The following KANSL3 variants were observed in gnomAD, a reference collection of about 807,000 sequenced individuals.
KANSL3 encodes NSL complex protein NSL3.
A neutral mutation model predicts 89.2 loss-of-function variants in KANSL3; 16 were observed. The ratio of observed to expected loss-of-function variants is 0.18; its 90% confidence interval spans 0.12 to 0.27. The LOEUF (loss-of-function observed/expected upper bound fraction) is 0.27. Ranked by LOEUF, KANSL3 falls within the 10% of genes least tolerant of loss-of-function variation. The pLI is 1.00. For missense variants in KANSL3, 879 were observed against 1,110.6 expected (o/e 0.79, Z 2.96); for synonymous variants, 385 against 419.7 (o/e 0.92, Z 1.01).
chr2:96,638,132 G>T (rs1451887050), intron 1 of KANSL3, 151 bp downstream of exon 1: 1 of 34,896 alleles, frequency 2.9e-5, no homozygotes, highest in Non-Finnish European at 5.9e-5. Context: ...GGCCCGACCC[G>T]CCCCGCCCGA....
the KANSL3 span, among the ~76,000 whole-genome samples, chr2:96,580,916 G>A: frequency 6.6e-6 from 1 of 152,194 alleles, no homozygotes; most frequent in African/African-American, 2.4e-5. Context: ...GCAGTAGCAA[G>A]AACTCAGAAC....
At chr2:96,601,942 G>A (rs929740311) in intron 19 of KANSL3, 166 bp from the exon 20 acceptor site, 3 of 1,237,166 alleles carry the variant, frequency 2.4e-6, no homozygotes, top group Non-Finnish European at 3.3e-6. Flanking sequence ...ACAGGAAACA[G>A]CCTGTGTTCT....
rs760138844 is a variant in KANSL3 at position 96,608,903 on chromosome 2, G to A, written c.1545C>T (p.Ser515=). The change falls in exon 13 of 21, where the codon TCC becomes TCT. Residue 515 remains serine (S), a synonymous_variant. Coordinates refer to ENST00000431828, the MANE Select transcript of KANSL3 (RefSeq NM_001115016.3). Reference sequence around the variant, plus strand: ...GTGAGGCGGGCAGCTTGGCAGCTGGGGAGGCAGGTCGACTGCCCCGCTCAG... The same window carrying A: ...GTGAGGCGGGCAGCTTGGCAGCTGGAGAGGCAGGTCGACTGCCCCGCTCAG... ...EVPERGSRPA[S]PAAKLPASPS... 4.4e-6 allele frequency: 7 copies of A among 1,577,046 alleles called. No homozygotes were observed. In the South Asian group the frequency reaches 5.8e-5, roughly 13 times the overall value.
chr2:96,632,722 C>T (rs1023591142), intron 2 of KANSL3, among the ~76,000 whole-genome samples: 1 of 152,018 alleles, frequency 6.6e-6, no homozygotes, highest in Non-Finnish European at 1.5e-5. Context: ...AAGCCACACA[C>T]GACTACTTAA....
downstream of KANSL3, among the ~76,000 whole-genome samples, chr2:96,592,742 G>A (rs978979032): frequency 1.5e-4 from 23 of 152,162 alleles, no homozygotes; most frequent in African/African-American, 4.8e-4. Flanking sequence ...GGTGGCTCAC[G>A]CCTGTAATCC....
chr2:96,634,034 T>C (rs960125401), intron 2 of KANSL3: 1 of 152,238 alleles, frequency 6.6e-6, no homozygotes, highest in Non-Finnish European at 1.5e-5. Flanking sequence ...TTTAAATTCA[T>C]ACAAACTTTC....
Position 96,633,213 on chromosome 2 carries a change from G to A in KANSL3, c.216-1731C>T, listed in dbSNP as rs535705122. Among the ~76,000 whole-genome samples, 157 of 151,166 alleles carry A rather than the reference G, an allele frequency of 1.0e-3. 2 individuals are homozygous for A. Among genetic ancestry groups the A allele is most frequent in the African/African-American group, 3.6e-3 (146 of 41,106 alleles). ...GCGGACGTTGCAGTGAGCCAAAATTGCACCACTGTACTTCAGTCTGGGTGA... is the reference window on the plus strand; with the variant it reads ...GCGGACGTTGCAGTGAGCCAAAATTACACCACTGTACTTCAGTCTGGGTGA... On this transcript the variant is annotated intron_variant, in intron 2 of 20. Transcript: ENST00000431828.
At chr2:96,616,357 G>C (rs1403774630) in intron 5 of KANSL3, among the ~76,000 whole-genome samples, 1 of 152,154 alleles carries the variant, frequency 6.6e-6, no homozygotes, top group Non-Finnish European at 1.5e-5. Flanking sequence ...GTCAACAAGG[G>C]ATAAAAAATC....
rs769421349 is a variant in KANSL3, at chr2:96,619,529, C to T, written c.493G>A (p.Val165Met). 5.0e-5 allele frequency: 81 copies of T among 1,613,720 alleles called. No individual in the cohort carries two copies. The highest frequency in any genetic ancestry group is 6.9e-5 in the Non-Finnish European group (81 of 1,179,724). ...TTGTCCACAGCAACACGGCGCAGCA[C>T]TGGCTCATTACAAGCCTGAAGGATG... is the stretch of plus-strand genomic sequence containing the variant. ...LANEGACNEP[V>M]LRRVAVDKCA... Residue 165 changes from valine (V) to methionine (M), a missense_variant, in exon 5 of 21, where the codon GTG becomes ATG. By Grantham distance (21) the Val-to-Met change is conservative (BLOSUM62 1). Transcript: ENST00000431828.
chr2:96,605,629 C>T, intron 14 of KANSL3, 118 bp from the exon 15 acceptor site: 1 of 827,986 alleles, frequency 1.2e-6, no homozygotes, highest in Non-Finnish European at 2.0e-6. Context: ...GATAACCACT[C>T]TACGTACAGG....
intron 2 of KANSL3, among the ~76,000 whole-genome samples, chr2:96,632,965 CAAAA>C (rs1051564122): frequency 5.8e-5 from 3 of 51,622 alleles, no homozygotes; most frequent in Admixed American, 2.2e-4. Flanking sequence ...GACTCCATCT[CAAAA>C]AAAAAAAAAA....
intron 2 of KANSL3, among the ~76,000 whole-genome samples, chr2:96,636,211 T>C (rs1323572162): frequency 6.6e-6 from 1 of 152,202 alleles, no homozygotes; most frequent in African/African-American, 2.4e-5. Context: ...ATTAAGGACA[T>C]GATTTGATCA....
rs181207032 is a variant in KANSL3 at position 96,615,426 on chromosome 2, T to C, written c.664-1807A>G. 2.2e-4 allele frequency: 188 copies of C among 867,212 alleles called. No individual in the cohort carries two copies. In the African/African-American group the frequency reaches 2.4e-3, roughly 11 times the overall value. 53.7% of individuals were successfully genotyped at this position (867,212 alleles called of 1,614,324 possible). ...TGTACTTTATCTCATGTCTGTTTTTTACTATCTACCAGAAATGTGACATTA... is the reference window on the plus strand; with the variant it reads ...TGTACTTTATCTCATGTCTGTTTTTCACTATCTACCAGAAATGTGACATTA... On this transcript the variant is annotated intron_variant, in intron 5 of 20. Transcript: ENST00000431828.
chr2:96,611,824 T>C (rs553264472), intron 9 of KANSL3, among the ~76,000 whole-genome samples: 13 of 152,046 alleles, frequency 8.6e-5, no homozygotes, highest in Non-Finnish European at 1.6e-4. Flanking sequence ...CTGTTGTTTT[T>C]TAGGTGGGAG....
At chr2:96,597,913 A>G (rs948278962) in intron 20 of KANSL3, among the ~76,000 whole-genome samples, 1 of 152,084 alleles carries the variant, frequency 6.6e-6, no homozygotes, top group African/African-American at 2.4e-5. Context: ...CGTCCATTCT[A>G]TTAAGATGAA....
intron 20 of KANSL3, among the ~76,000 whole-genome samples, chr2:96,596,368 G>C (rs1198994102): frequency 1.3e-5 from 2 of 152,226 alleles, no homozygotes; most frequent in African/African-American, 4.8e-5. Context: ...ACCAGCCTGG[G>C]CAACTTAGCC....
At chr2:96,599,082 T>C (rs926340832) in intron 20 of KANSL3, among the ~76,000 whole-genome samples, 24 of 152,042 alleles carry the variant, frequency 1.6e-4, no homozygotes, top group Non-Finnish European at 5.9e-5. Context: ...ATCCATACTA[T>C]CAACCCATAA....
the KANSL3 span, among the ~76,000 whole-genome samples, chr2:96,582,077 T>A: frequency 6.6e-6 from 1 of 152,188 alleles, no homozygotes; most frequent in African/African-American, 2.4e-5. Context: ...CTCCCCCAGA[T>A]AACTTGTTTT....
chr2:96,605,747 T>C, intron 14 of KANSL3: 1 of 335,258 alleles, frequency 3.0e-6, no homozygotes, highest in Admixed American at 4.2e-5. Context: ...TTCTCATCCC[T>C]CATCCTGCAC....
Sources: gnomAD v4.1 joint callset for allele counts (sites outside exome capture counted in the v4.1 genomes callset) on GRCh38, gnomAD v4.1.1 for gene constraint, MANE v1.5 for transcripts, NCBI Gene and HGNC (gene_info 2026-07-23, HGNC 2026-07-21) for gene names.